Variants in ANKRD44 observed in about 807,000 individuals in gnomAD.
ANKRD44 encodes ankyrin repeat domain 44, also known as serine/threonine-protein phosphatase 6 regulatory ankyrin repeat subunit B.
In ANKRD44, 35 loss-of-function variants were observed where a neutral mutation model predicts 116.0. The ratio of observed to expected loss-of-function variants is 0.30; its 90% CI spans 0.23 to 0.40. The LOEUF is 0.40. ANKRD44 is among the 10% of genes least tolerant of loss of function. The pLI is 1.00. For missense variants in ANKRD44, 1,014 were observed against 1,242.6 expected, an observed-to-expected ratio of 0.82 and a Z score of 2.77; for synonymous variants, 435 against 461.8, an observed-to-expected ratio of 0.94 and a Z score of 0.74.
intron 21 of ANKRD44, among the ~76,000 whole-genome samples, chr2:196,977,065 T>C (rs2125862390): frequency 6.6e-6 from 1 of 152,244 alleles, no homozygotes; most frequent in South Asian, 2.1e-4. Context: ...AAGAAAACAA[T>C]TCCCTTAACA....
At chr2:197,121,192 CT>C in intron 8 of ANKRD44, 139 bp downstream of exon 8, 1 of 819,188 alleles carries the variant, frequency 1.2e-6, no homozygotes, top group Non-Finnish European at 2.0e-6. Context: ...CTCCAGACAA[CT>C]TTTCTTATAG....
intron 2 of ANKRD44, among the ~76,000 whole-genome samples, chr2:197,158,406 G>A (rs1372880598): frequency 6.6e-6 from 1 of 152,204 alleles, no homozygotes; most frequent in Non-Finnish European, 1.5e-5. Context: ...GAGAAGTCTA[G>A]TTTCAGTTAC....
chr2:197,031,655 A>C (rs1198143505), intron 16 of ANKRD44, among the ~76,000 whole-genome samples: 2 of 152,252 alleles, frequency 1.3e-5, no homozygotes, highest in African/African-American at 4.8e-5. Flanking sequence ...AAATGCTATG[A>C]TGTTAGGATT....
intron 2 of ANKRD44, among the ~76,000 whole-genome samples, chr2:197,154,040 A>G (rs556552333): frequency 6.6e-6 from 1 of 152,348 alleles, no homozygotes; most frequent in Non-Finnish European, 1.5e-5. Flanking sequence ...TAGGGTACAC[A>G]CACACATTCA....
intron 1 of ANKRD44, among the ~76,000 whole-genome samples, chr2:197,297,629 G>A (rs994601482): frequency 2.3e-4 from 35 of 152,276 alleles, no homozygotes; most frequent in African/African-American, 8.4e-4. Flanking sequence ...GAGTAGCGCT[G>A]TGCACATAGC....
At chr2:197,152,170 T>C (rs1051629118) in intron 2 of ANKRD44, among the ~76,000 whole-genome samples, 3 of 152,194 alleles carry the variant, frequency 2.0e-5, no homozygotes, top group African/African-American at 7.2e-5. Context: ...CATTAACCTA[T>C]AGTGGCCGAG....
chr2:196,967,616 G>A (rs567074339), intron 21 of ANKRD44, among the ~76,000 whole-genome samples: 4 of 152,148 alleles, frequency 2.6e-5, no homozygotes, highest in South Asian at 2.1e-4. Context: ...AATGCAAACC[G>A]GTACAAACTA....
At chr2:196,993,717 G>C in intron 26 of ANKRD44, 43 bp from the exon 27 acceptor site, 2 of 1,509,172 alleles carry the variant, frequency 1.3e-6, no homozygotes, top group African/African-American at 1.4e-5. Flanking sequence ...TACATATTTG[G>C]GTGAGAATGT....
intron 1 of ANKRD44, among the ~76,000 whole-genome samples, chr2:197,255,784 A>G (rs955193621): frequency 2.6e-5 from 4 of 152,234 alleles, no homozygotes; most frequent in African/African-American, 9.6e-5. Flanking sequence ...GTAGGGCTGG[A>G]GCCCTGACAA....
chr2:196,987,103 G>C lies in ANKRD44; in HGVS notation c.*2488C>G. On this transcript the variant is annotated 3_prime_UTR_variant, in exon 28 of 28. Coordinates refer to ENST00000282272, the MANE Select transcript of ANKRD44 (RefSeq NM_001195144.2). ...TGAATTTTTAGATCACATAAGAAAC[G>C]CATAGAATTACATTTTATACAAACA... 1.0e-6 allele frequency: 1 copy of C among 984,362 alleles called. No individual in the cohort carries two copies. The highest frequency in any genetic ancestry group is 1.2e-6 in the Non-Finnish European group (1 of 829,034). 61.0% of individuals were successfully genotyped at this position (984,362 alleles called of 1,614,324 possible). A position where few individuals can be genotyped will look rare whatever the true frequency, so the allele number is the denominator to read the frequency against.
chr2:197,148,555 C>T (rs1335617892), intron 2 of ANKRD44, among the ~76,000 whole-genome samples: 2 of 152,142 alleles, frequency 1.3e-5, no homozygotes, highest in African/African-American at 2.4e-5. Context: ...GGATATTATT[C>T]CATTTTCTGA....
intron 1 of ANKRD44, among the ~76,000 whole-genome samples, chr2:197,228,519 C>G (rs1424678892): frequency 6.6e-6 from 1 of 152,180 alleles, no homozygotes; most frequent in African/African-American, 2.4e-5. Context: ...TGTGAGAGTT[C>G]TAGTTAACCA....
chr2:197,214,647 A>T (rs2081403979), intron 1 of ANKRD44, among the ~76,000 whole-genome samples: 2 of 152,210 alleles, frequency 1.3e-5, no homozygotes, highest in African/African-American at 2.4e-5. Flanking sequence ...TATAGTTGGG[A>T]AAGAAAAGAA....
At chr2:196,973,018 A>G (rs1559388823) in intron 21 of ANKRD44, among the ~76,000 whole-genome samples, 2 of 152,166 alleles carry the variant, frequency 1.3e-5, no homozygotes, top group Non-Finnish European at 2.9e-5. Flanking sequence ...TTCAATTGCT[A>G]TCTTAGATTT....
intron 1 of ANKRD44, among the ~76,000 whole-genome samples, chr2:197,237,772 A>AT (rs2082007932): frequency 6.6e-6 from 1 of 152,242 alleles, no homozygotes; most frequent in Non-Finnish European, 1.5e-5. Flanking sequence ...CTCTAAAATA[A>AT]TTTTGTCATG....
intron 1 of ANKRD44, among the ~76,000 whole-genome samples, chr2:197,305,806 GTTTAAAAAT>G (rs998200705): frequency 6.6e-6 from 1 of 151,632 alleles, no homozygotes; most frequent in African/African-American, 2.4e-5. Flanking sequence ...CACACGAAAA[GTTTAAAAAT>G]TTTAACTGGC....
At chr2:197,211,630 G>A (rs914398133) in intron 1 of ANKRD44, among the ~76,000 whole-genome samples, 1 of 151,932 alleles carries the variant, frequency 6.6e-6, no homozygotes, top group African/African-American at 2.4e-5. Context: ...GTGAAATCAC[G>A]CTAATCCCAT....
At chr2:197,016,615 A>T (rs2076397317) in intron 17 of ANKRD44, among the ~76,000 whole-genome samples, 1 of 152,236 alleles carries the variant, frequency 6.6e-6, no homozygotes. Context: ...GGCACTGACA[A>T]GTGGAGAGAA....
chr2:197,238,469 T>G (rs2082020804), intron 1 of ANKRD44, among the ~76,000 whole-genome samples: 1 of 152,216 alleles, frequency 6.6e-6, no homozygotes, highest in Non-Finnish European at 1.5e-5. Flanking sequence ...TCTGGTTGTA[T>G]CTTGATCTGT....
Sources: gnomAD v4.1 joint callset for allele counts (sites outside exome capture counted in the v4.1 genomes callset) on GRCh38, gnomAD v4.1.1 for gene constraint, MANE v1.5 for transcripts, NCBI Gene and HGNC (gene_info 2026-07-23, HGNC 2026-07-21) for gene names.